Variants in DOCK3 observed in about 807,000 individuals in gnomAD.
DOCK3 encodes dedicator of cytokinesis protein 3.
DOCK3 carries 60 observed loss-of-function variants against 265.6 expected under a neutral mutation model. The ratio of observed to expected loss-of-function variants is 0.23; its 90% CI spans 0.18 to 0.28. The LOEUF (loss-of-function observed/expected upper bound fraction) is 0.28, where lower values mean the gene tolerates loss of function less well. Among genes scored for constraint, DOCK3 ranks in the 10% least tolerant of loss-of-function variants. The pLI, the probability that DOCK3 is intolerant of heterozygous loss-of-function variation, is 1.00. For synonymous variants in DOCK3, 881 were observed against 938.0 expected (o/e 0.94, Z 1.11); for missense variants, 1,981 against 2,594.3 (o/e 0.76, Z 5.14).
chr3:51,221,174 C>T (rs190049455), intron 14 of DOCK3, among the ~76,000 whole-genome samples: 2 of 152,300 alleles, frequency 1.3e-5, no homozygotes, highest in Admixed American at 1.3e-4. Context: ...TTTAAGATCG[C>T]TCACTCCATA....
intron 14 of DOCK3, among the ~76,000 whole-genome samples, chr3:51,218,289 C>T (rs533668601): frequency 6.6e-6 from 1 of 152,090 alleles, no homozygotes; most frequent in Non-Finnish European, 1.5e-5. Flanking sequence ...CAAAAATTAG[C>T]CGGGCATGGT....
At chr3:51,117,171 C>T (rs2109907122) in intron 9 of DOCK3, among the ~76,000 whole-genome samples, 1 of 152,134 alleles carries the variant, frequency 6.6e-6, no homozygotes, top group East Asian at 1.9e-4. Context: ...TTTTAGTATG[C>T]AGGGCTGTTG....
At chr3:51,053,076 AAGATATATATATAT>A (rs1398622583) in intron 5 of DOCK3, among the ~76,000 whole-genome samples, 1 of 34,550 alleles carries the variant, frequency 2.9e-5, no homozygotes, top group African/African-American at 1.0e-4. Context: ...AAAAAAGTCA[AAGATATATATATAT>A]ATATATATAT....
intron 2 of DOCK3, among the ~76,000 whole-genome samples, chr3:50,783,984 C>T (rs570863300): frequency 7.3e-4 from 111 of 151,768 alleles, no homozygotes; most frequent in Middle Eastern, 3.4e-3. Context: ...TTTCCTGTCT[C>T]GACCTCCCGA....
At chr3:50,971,342 T>C (rs1452619615) in intron 5 of DOCK3, among the ~76,000 whole-genome samples, 1 of 152,192 alleles carries the variant, frequency 6.6e-6, no homozygotes, top group Admixed American at 6.5e-5. Flanking sequence ...TTGGATGGTA[T>C]TAGTTTTTCC....
At chr3:50,954,526 T>C (rs1253705963) in intron 5 of DOCK3, among the ~76,000 whole-genome samples, 1 of 152,182 alleles carries the variant, frequency 6.6e-6, no homozygotes, top group Admixed American at 6.5e-5. Flanking sequence ...GGGACTGTTG[T>C]GTGAATTATA....
chr3:51,252,441 A>G (rs1182468283), intron 22 of DOCK3, among the ~76,000 whole-genome samples: 1 of 152,186 alleles, frequency 6.6e-6, no homozygotes, highest in Non-Finnish European at 1.5e-5. Flanking sequence ...GAATCTATAA[A>G]TTACCTTGGG....
chr3:51,243,473 T>G (rs1273254068), intron 21 of DOCK3, among the ~76,000 whole-genome samples: 3 of 152,174 alleles, frequency 2.0e-5, no homozygotes, highest in South Asian at 2.1e-4. Context: ...AAAGTGATAT[T>G]TCTTTATGTT....
At position 51,338,348 on chromosome 3, in the gene DOCK3, C is replaced by T. The variant is rs1319953466; in HGVS notation, c.3612-11C>T. On this transcript the variant is annotated splice_polypyrimidine_tract_variant and intron_variant, in intron 35 of 52. Transcript: ENST00000266037. ...TTCATATCTGGTGCTCATCTGTGCT[C>T]TCTCTTCCAGGGACTGCATGAAAGG... is the stretch of plus-strand genomic sequence containing the variant. 9 of 1,551,634 alleles carry T rather than the reference C, an allele frequency of 5.8e-6. No individual in the cohort carries two copies. Among genetic ancestry groups the T allele is most frequent in the Admixed American group, 3.9e-5 (2 of 51,004 alleles).
At chr3:50,720,564 A>G (rs1292136389) in intron 1 of DOCK3, among the ~76,000 whole-genome samples, 4 of 152,088 alleles carry the variant, frequency 2.6e-5, no homozygotes, top group African/African-American at 4.8e-5. Context: ...GATTGATTCT[A>G]TGTTTTTGCT....
chr3:50,846,422 T>C lies in DOCK3; in HGVS notation c.162+4707T>C, dbSNP rs114389610. On this transcript the variant is annotated intron_variant, in intron 3 of 52. Coordinates refer to ENST00000266037, the MANE Select transcript of DOCK3 (RefSeq NM_004947.5). ...CTGGATTCAGGTTACTAGTATTTTG[T>C]TGAGGATTTTGGTCTGCGTTCAGGG... is the stretch of plus-strand genomic sequence containing the variant. Among the ~76,000 whole-genome samples, 418 of 152,308 alleles carry C rather than the reference T, an allele frequency of 2.7e-3. 1 individual carries two copies. The highest frequency in any genetic ancestry group is 9.6e-3 in the African/African-American group (400 of 41,572).
chr3:51,234,734 A>G (rs2078281800), intron 19 of DOCK3, among the ~76,000 whole-genome samples: 1 of 152,130 alleles, frequency 6.6e-6, no homozygotes, highest in Non-Finnish European at 1.5e-5. Context: ...GCCTTCTCCA[A>G]GTACCTTTGT....
chr3:51,034,625 A>G lies in DOCK3; in HGVS notation c.316-29823A>G, dbSNP rs1335255792. Among the ~76,000 whole-genome samples the G allele has an allele frequency of 2.0e-5, 3 of 152,094 alleles. No individual in the cohort carries two copies. The East Asian group carries it at 5.8e-4, about 29-fold the overall frequency. On this transcript the variant is annotated intron_variant, in intron 5 of 52. Coordinates refer to ENST00000266037, the MANE Select transcript of DOCK3 (RefSeq NM_004947.5). ...GTTATGGTTTTTTCTTTAATCAATT[A>G]TATTTTAAAGAAATCAATAGCAAAA...
chr3:50,899,597 T>A (rs1162879136), intron 4 of DOCK3, among the ~76,000 whole-genome samples: 1 of 152,220 alleles, frequency 6.6e-6, no homozygotes, highest in Non-Finnish European at 1.5e-5. Context: ...TTTGGTATGT[T>A]CTTGCAGTGG....
chr3:51,287,926 C>A (rs1006018276), intron 27 of DOCK3, among the ~76,000 whole-genome samples: 2 of 152,216 alleles, frequency 1.3e-5, no homozygotes, highest in African/African-American at 4.8e-5. Flanking sequence ...AAGTGTGCTA[C>A]ATATACACGT....
chr3:51,339,807 G>A (rs184437062), intron 37 of DOCK3, among the ~76,000 whole-genome samples: 3 of 152,300 alleles, frequency 2.0e-5, no homozygotes, highest in Admixed American at 1.3e-4. Context: ...GCTCTTAGGC[G>A]ATAGGACTTG....
At chr3:50,679,411 C>G (rs1397809226) in intron 1 of DOCK3, among the ~76,000 whole-genome samples, 2 of 151,936 alleles carry the variant, frequency 1.3e-5, no homozygotes, top group African/African-American at 4.8e-5. Context: ...TTATTTTTTC[C>G]TATTTAAAAA....
rs546887868 is a variant in DOCK3 at position 51,246,889 on chromosome 3, C to G, written c.2184+82C>G. The G allele has an allele frequency of 3.7e-5, 50 of 1,339,532 alleles. No homozygotes were observed. In the Admixed American group the frequency reaches 9.6e-4, roughly 26 times the overall value. 83.0% of individuals were successfully genotyped at this position (1,339,532 alleles called of 1,614,324 possible). ...AATCTCAGTGATACAATGTGCAGGA[C>G]AAATGTAGACATCGCAGTACCTGGC... On this transcript the variant is annotated intron_variant, in intron 22 of 52. Transcript: ENST00000266037.
At chr3:50,996,750 C>T (rs899408066) in intron 5 of DOCK3, among the ~76,000 whole-genome samples, 3 of 152,138 alleles carry the variant, frequency 2.0e-5, no homozygotes, top group Non-Finnish European at 4.4e-5. Context: ...CTTTTATTCT[C>T]TCCATACAAC....
Sources: allele counts gnomAD v4.1 joint callset (sites outside exome capture counted in the v4.1 genomes callset), GRCh38; gene constraint gnomAD v4.1.1; transcripts MANE v1.5; gene names NCBI Gene and HGNC (gene_info 2026-07-23, HGNC 2026-07-21).